Variants in PTPRK observed in about 807,000 individuals in gnomAD.
The protein encoded by PTPRK is protein tyrosine phosphatase receptor type K, also known as receptor-type tyrosine-protein phosphatase kappa.
Under a neutral mutation model 178.0 loss-of-function variants are expected in PTPRK, and 75 were observed. That is an observed-to-expected ratio of 0.42 (90% CI 0.35 to 0.51). The LOEUF (loss-of-function observed/expected upper bound fraction) is 0.51, where lower values mean the gene tolerates loss of function less well. Among genes scored for constraint, PTPRK ranks in the 20% least tolerant of loss-of-function variants. The pLI is 0.02. For synonymous variants in PTPRK, 637 were observed against 620.6 expected (o/e 1.03, Z -0.39); for missense variants, 1,441 against 1,797.8 (o/e 0.80, Z 3.59).
intron 1 of PTPRK, among the ~76,000 whole-genome samples, chr6:128,478,078 C>G (rs1481221654): frequency 1.3e-5 from 2 of 152,068 alleles, no homozygotes; most frequent in African/African-American, 4.8e-5. Context: ...GTATTCCTGC[C>G]TACTTGGGAA....
intron 3 of PTPRK, among the ~76,000 whole-genome samples, chr6:128,295,795 C>A (rs984539777): frequency 6.6e-6 from 1 of 152,070 alleles, no homozygotes; most frequent in African/African-American, 2.4e-5. Context: ...ATTCTGGAAA[C>A]AGGACATATG....
At chr6:128,468,204 A>T (rs1404795913) in intron 1 of PTPRK, among the ~76,000 whole-genome samples, 1 of 152,214 alleles carries the variant, frequency 6.6e-6, no homozygotes, top group African/African-American at 2.4e-5. Context: ...GGAGAGGGCA[A>T]CACTTTAACT....
At chr6:127,998,434 T>C (rs1777417662) in intron 16 of PTPRK, among the ~76,000 whole-genome samples, 2 of 152,154 alleles carry the variant, frequency 1.3e-5, no homozygotes, top group Middle Eastern at 3.4e-3. Flanking sequence ...CATGGGGAGA[T>C]ACGCAAAGTG....
intron 13 of PTPRK, among the ~76,000 whole-genome samples, chr6:128,033,927 C>T (rs973695948): frequency 2.6e-5 from 4 of 151,930 alleles, no homozygotes; most frequent in African/African-American, 4.8e-5. Flanking sequence ...GTTCAGTACA[C>T]AACATTGGGT....
intron 13 of PTPRK, among the ~76,000 whole-genome samples, chr6:128,019,835 T>C (rs1351034124): frequency 6.6e-6 from 1 of 152,148 alleles, no homozygotes; most frequent in African/African-American, 2.4e-5. Flanking sequence ...AGTGCCTTGG[T>C]GACTGTGTTA....
chr6:128,298,566 T>C (rs555615401), intron 3 of PTPRK, among the ~76,000 whole-genome samples: 1,623 of 152,214 alleles, frequency 0.011, 15 homozygotes, highest in Middle Eastern at 0.031. Context: ...TGGTTCAATA[T>C]ACACAAATCA....
At position 128,078,843 on chromosome 6, in the gene PTPRK, C is replaced by T; in HGVS notation, c.1853G>A (p.Arg618Lys). The change falls in exon 11 of 30, where the codon AGA becomes AAA. Residue 618 changes from arginine (R) to lysine (K), a missense_variant. This residue lies in a region of PTPRK where 945 missense variants were observed against 1,080.6 expected (regional missense o/e 0.87). Coordinates refer to ENST00000368226, the MANE Select transcript of PTPRK (RefSeq NM_002844.4). The stretch of plus-strand genomic sequence containing the variant: ...AGGAGCACCTTTGGCTTGTGCTGGT[C>T]TCAACAATACAGTTATTGTGGTGGC... ...ETATTITVLL[R>K]PAQAKGAPIS... 1.2e-6 allele frequency: 2 copies of T among 1,612,010 alleles called. No homozygotes were observed. The highest frequency in any genetic ancestry group is 1.7e-6 in the Non-Finnish European group (2 of 1,178,586).
At chr6:127,984,765 A>G (rs1775747122) in intron 22 of PTPRK, among the ~76,000 whole-genome samples, 1 of 152,156 alleles carries the variant, frequency 6.6e-6, no homozygotes, top group South Asian at 2.1e-4. Flanking sequence ...TTTGTCCCCT[A>G]CCATCTTCTC....
intron 3 of PTPRK, among the ~76,000 whole-genome samples, chr6:128,303,345 A>G (rs1377679261): frequency 6.6e-6 from 1 of 152,146 alleles, no homozygotes; most frequent in East Asian, 1.9e-4. Context: ...TTTCCTATGA[A>G]TCCGTATTAC....
intron 6 of PTPRK, among the ~76,000 whole-genome samples, chr6:128,190,213 C>A (rs1583403945): frequency 1.3e-5 from 2 of 152,220 alleles, no homozygotes; most frequent in South Asian, 2.1e-4. Context: ...TTAAAAACTG[C>A]AACCCAGATA....
At chr6:128,336,048 A>G (rs1830877356) in intron 2 of PTPRK, among the ~76,000 whole-genome samples, 1 of 152,216 alleles carries the variant, frequency 6.6e-6, no homozygotes, top group Non-Finnish European at 1.5e-5. Flanking sequence ...GAGCAAGCAA[A>G]TACTTCTCTG....
chr6:128,178,417 T>C (rs186802176), intron 7 of PTPRK, among the ~76,000 whole-genome samples: 1 of 151,972 alleles, frequency 6.6e-6, no homozygotes, highest in East Asian at 1.9e-4. Context: ...CTCCAATCTC[T>C]CATGATTTTC....
chr6:128,490,628 C>T (rs1335156292), intron 1 of PTPRK, among the ~76,000 whole-genome samples: 1 of 152,194 alleles, frequency 6.6e-6, no homozygotes, highest in Admixed American at 6.5e-5. Context: ...ATTTTCTAGC[C>T]ATGTGACCTT....
At chr6:128,374,758 A>T (rs116753143) in intron 2 of PTPRK, among the ~76,000 whole-genome samples, 1 of 152,156 alleles carries the variant, frequency 6.6e-6, no homozygotes, top group African/African-American at 2.4e-5. Context: ...ACTCAGTATG[A>T]CCCTGTCAAG....
chr6:128,437,705 C>A (rs1845772130), intron 1 of PTPRK, among the ~76,000 whole-genome samples: 1 of 152,110 alleles, frequency 6.6e-6, no homozygotes, highest in African/African-American at 2.4e-5. Context: ...TGAGACAAAA[C>A]TAAATGAGTA....
intron 1 of PTPRK, among the ~76,000 whole-genome samples, chr6:128,515,760 T>C (rs1285235087): frequency 6.6e-6 from 1 of 152,150 alleles, no homozygotes; most frequent in African/African-American, 2.4e-5. Flanking sequence ...ATCTGTAAAC[T>C]TTCTTGATGC....
chr6:128,137,922 C>T (rs1213591127), intron 7 of PTPRK, among the ~76,000 whole-genome samples: 1 of 151,926 alleles, frequency 6.6e-6, no homozygotes, highest in African/African-American at 2.4e-5. Flanking sequence ...TGAAGCTCAC[C>T]CCACAAAACT....
chr6:128,448,912 C>T (rs1484457913), intron 1 of PTPRK, among the ~76,000 whole-genome samples: 1 of 152,066 alleles, frequency 6.6e-6, no homozygotes, highest in Non-Finnish European at 1.5e-5. Flanking sequence ...CAGGCCGGAG[C>T]ACAATGGCAT....
At chr6:128,280,678 T>C (rs953592727) in intron 3 of PTPRK, among the ~76,000 whole-genome samples, 4 of 152,188 alleles carry the variant, frequency 2.6e-5, no homozygotes, top group African/African-American at 9.6e-5. Context: ...TAATAATTTC[T>C]TAAGCATATG....
Sources: gnomAD v4.1 joint callset for allele counts (sites outside exome capture counted in the v4.1 genomes callset) on GRCh38, gnomAD v4.1.1 for gene constraint, gnomAD v4.1.1 regional missense constraint, MANE v1.5 for transcripts, NCBI Gene and HGNC (gene_info 2026-07-23, HGNC 2026-07-21) for gene names.